The following KIAA1958 variants were observed in gnomAD, a reference collection of about 807,000 sequenced individuals.
KIAA1958 encodes the protein uncharacterized protein KIAA1958.
KIAA1958 carries 14 observed loss-of-function variants against 47.2 expected under a neutral mutation model. The observed-to-expected ratio is 0.30, with a 90% CI of 0.20 to 0.46. The LOEUF is 0.46. KIAA1958 is among the 20% of genes least tolerant of loss of function. KIAA1958 has a pLI of 1.00. For synonymous variants in KIAA1958, 354 were observed against 353.3 expected, an observed-to-expected ratio of 1.00 and a Z score of -0.02; for missense variants, 803 against 909.2, an observed-to-expected ratio of 0.88 and a Z score of 1.50.
rs1837338124 is a variant in KIAA1958, at chr9:112,665,229, A to T, written c.*5160A>T. The T allele has an allele frequency of 6.6e-6, 1 of 152,258 alleles. No homozygotes were observed. The highest frequency in any genetic ancestry group is 2.4e-5 in the African/African-American group (1 of 41,558). 9.4% of individuals were successfully genotyped at this position (152,258 alleles called of 1,614,324 possible). The stretch of plus-strand genomic sequence containing the variant: ...CTTGGTGGTCAATAGAACTGATTTG[A>T]TTAACTTTCATTTAACTGTGGTTAT... On this transcript the variant is annotated 3_prime_UTR_variant, in exon 4 of 4. Coordinates refer to ENST00000337530, the MANE Select transcript of KIAA1958 (RefSeq NM_133465.4).
chr9:112,630,440 T>C (rs1176891910), intron 2 of KIAA1958, among the ~76,000 whole-genome samples: 5 of 151,980 alleles, frequency 3.3e-5, no homozygotes, highest in African/African-American at 1.2e-4. Context: ...AAGCTGGGAG[T>C]TTTGAGACCA....
At chr9:112,640,999 A>G (rs1025138509) in intron 2 of KIAA1958, among the ~76,000 whole-genome samples, 2 of 152,158 alleles carry the variant, frequency 1.3e-5, no homozygotes, top group Non-Finnish European at 2.9e-5. Flanking sequence ...TTAAAAAAAA[A>G]CCTTCAATGA....
intron 1 of KIAA1958, among the ~76,000 whole-genome samples, chr9:112,549,793 C>T (rs1207948039): frequency 3.3e-5 from 5 of 152,030 alleles, no homozygotes; most frequent in South Asian, 2.1e-4. Flanking sequence ...TTGGTTGTCA[C>T]GACTTGGAGG....
chr9:112,655,674 GGA>G (rs1263103781), intron 3 of KIAA1958, among the ~76,000 whole-genome samples: 1 of 152,202 alleles, frequency 6.6e-6, no homozygotes, highest in Non-Finnish European at 1.5e-5. Context: ...AACTTTGGCT[GGA>G]GAGAGGGGCT....
chr9:112,645,878 C>A, intron 3 of KIAA1958, 56 bp downstream of exon 3: 1 of 1,517,828 alleles, frequency 6.6e-7, no homozygotes, highest in South Asian at 1.2e-5. Context: ...TTCCAAATGC[C>A]AGGCACTGTG....
rs978060707 is a variant in KIAA1958 at position 112,669,175 on chromosome 9, G to A, written c.*9106G>A. On this transcript the variant is annotated 3_prime_UTR_variant, in exon 4 of 4. Transcript: ENST00000337530. ...GTGGGGGCACATGAGTGGGAAAGTG[G>A]GTGTCACTCCTATTTTCTGTCCTAG... The A allele has an allele frequency of 6.6e-6, 1 of 152,208 alleles. No homozygotes were observed. Among genetic ancestry groups the A allele is most frequent in the Non-Finnish European group, 1.5e-5 (1 of 68,042 alleles). 9.4% of individuals were successfully genotyped at this position (152,208 alleles called of 1,614,324 possible).
chr9:112,640,928 C>T (rs1032408925), intron 2 of KIAA1958, among the ~76,000 whole-genome samples: 4 of 151,998 alleles, frequency 2.6e-5, no homozygotes, highest in Non-Finnish European at 5.9e-5. Context: ...AGATAGATTG[C>T]AGGTGTTGGA....
chr9:112,503,858 G>C (rs1368844047), intron 1 of KIAA1958, among the ~76,000 whole-genome samples: 5 of 151,690 alleles, frequency 3.3e-5, no homozygotes. Flanking sequence ...GCAAAGCTAT[G>C]CATAAGGAAA....
chr9:112,518,800 G>C (rs975112047), intron 1 of KIAA1958, among the ~76,000 whole-genome samples: 1 of 151,672 alleles, frequency 6.6e-6, no homozygotes, highest in African/African-American at 2.4e-5. Context: ...AGGTAGCCAA[G>C]TTTGGACATA....
chr9:112,631,526 C>T (rs118073348), intron 2 of KIAA1958, among the ~76,000 whole-genome samples: 5,149 of 112,234 alleles, frequency 0.046, 141 homozygotes, highest in Non-Finnish European at 0.07. Flanking sequence ...GCAAGAGCCT[C>T]TCTCAAAGAA....
At chr9:112,548,515 C>G (rs10759578) in intron 1 of KIAA1958, among the ~76,000 whole-genome samples, 145,370 of 152,292 alleles carry the variant, frequency 0.95, 69,453 homozygotes, top group African/African-American at 0.99. Flanking sequence ...CAGAATAAAT[C>G]TCTCCAAATA....
intron 1 of KIAA1958, among the ~76,000 whole-genome samples, chr9:112,491,117 A>G (rs529517615): frequency 5.9e-5 from 9 of 152,300 alleles, no homozygotes; most frequent in Admixed American, 2.0e-4. Context: ...GGCACGTGCC[A>G]TCACACTTAG....
At chr9:112,653,890 ACT>A (rs1264126565) in intron 3 of KIAA1958, among the ~76,000 whole-genome samples, 1 of 151,784 alleles carries the variant, frequency 6.6e-6, no homozygotes, top group Non-Finnish European at 1.5e-5. Context: ...ACAGAGTGAG[ACT>A]CTGTCTTAAA....
At chr9:112,611,321 G>C (rs552987101) in intron 2 of KIAA1958, among the ~76,000 whole-genome samples, 1 of 152,068 alleles carries the variant, frequency 6.6e-6, no homozygotes, top group Non-Finnish European at 1.5e-5. Context: ...TGTATACTTG[G>C]AATGCTTGGA....
At chr9:112,605,633 C>G (rs1195501222) in intron 2 of KIAA1958, among the ~76,000 whole-genome samples, 1 of 152,182 alleles carries the variant, frequency 6.6e-6, no homozygotes, top group Non-Finnish European at 1.5e-5. Context: ...CCTGCATGAC[C>G]TGGCCCCAGT....
At chr9:112,614,605 T>C (rs1308342174) in intron 2 of KIAA1958, among the ~76,000 whole-genome samples, 1 of 152,208 alleles carries the variant, frequency 6.6e-6, no homozygotes, top group African/African-American at 2.4e-5. Flanking sequence ...TCATGTAAAA[T>C]CAATGATGGT....
At chr9:112,655,578 T>C (rs1333263803) in intron 3 of KIAA1958, among the ~76,000 whole-genome samples, 1 of 151,810 alleles carries the variant, frequency 6.6e-6, no homozygotes, top group African/African-American at 2.4e-5. Context: ...GTAACAAAGG[T>C]GAGATGCAGT....
chr9:112,565,631 T>C (rs1835415302), intron 1 of KIAA1958, among the ~76,000 whole-genome samples: 1 of 152,244 alleles, frequency 6.6e-6, no homozygotes. Flanking sequence ...GATTGTCTTA[T>C]TGTTGATTTC....
At chr9:112,539,767 T>G (rs1404936463) in intron 1 of KIAA1958, among the ~76,000 whole-genome samples, 2 of 152,162 alleles carry the variant, frequency 1.3e-5, no homozygotes, top group Non-Finnish European at 2.9e-5. Context: ...CTTGGCTCAC[T>G]GTAACCTCTG....
Sources: allele counts gnomAD v4.1 joint callset (sites outside exome capture counted in the v4.1 genomes callset), GRCh38; gene constraint gnomAD v4.1.1; transcripts MANE v1.5; gene names NCBI Gene and HGNC (gene_info 2026-07-23, HGNC 2026-07-21).